The following GRID1 variants were observed in gnomAD, a reference collection of about 807,000 sequenced individuals.
The protein encoded by GRID1 is glutamate receptor ionotropic, delta-1.
Under a neutral mutation model 98.0 loss-of-function variants are expected in GRID1, and 28 were observed. The ratio of observed to expected loss-of-function variants is 0.29; its 90% CI spans 0.21 to 0.39. The LOEUF (loss-of-function observed/expected upper bound fraction) is 0.39, where lower values mean the gene tolerates loss of function less well. Ranked by LOEUF, GRID1 falls within the 10% of genes least tolerant of loss-of-function variation. GRID1 has a pLI of 1.00. For synonymous variants in GRID1, 553 were observed against 538.5 expected (o/e 1.03, Z -0.37); for missense variants, 1,111 against 1,340.5 (o/e 0.83, Z 2.67).
At chr10:85,666,823 T>C (rs1841024357) in intron 12 of GRID1, among the ~76,000 whole-genome samples, 1 of 152,118 alleles carries the variant, frequency 6.6e-6, no homozygotes, top group South Asian at 2.1e-4. Context: ...TCCTCCCCCA[T>C]ACAGCTCACA....
At chr10:86,262,608 A>G (rs927524258) in intron 2 of GRID1, among the ~76,000 whole-genome samples, 4 of 152,174 alleles carry the variant, frequency 2.6e-5, no homozygotes, top group African/African-American at 9.7e-5. Flanking sequence ...GCTCTGGACC[A>G]CAGCCCTGTT....
At chr10:86,186,583 G>C (rs1845728433) in intron 3 of GRID1, among the ~76,000 whole-genome samples, 1 of 152,146 alleles carries the variant, frequency 6.6e-6, no homozygotes, top group Non-Finnish European at 1.5e-5. Flanking sequence ...TTTCTTGATG[G>C]GTGACCTTAA....
chr10:85,834,781 A>AAG (rs1304689230), intron 8 of GRID1, among the ~76,000 whole-genome samples: 5 of 152,212 alleles, frequency 3.3e-5, no homozygotes, highest in African/African-American at 1.2e-4. Flanking sequence ...GATATACACT[A>AAG]AGAGAAACAG....
chr10:85,728,903 C>T (rs1323479754), intron 9 of GRID1, among the ~76,000 whole-genome samples: 1 of 152,126 alleles, frequency 6.6e-6, no homozygotes, highest in African/African-American at 2.4e-5. Flanking sequence ...CGTTTGGGCA[C>T]GTGTGACTCA....
At position 85,955,567 on chromosome 10, in the gene GRID1, T is replaced by C. The variant is rs1663250325; in HGVS notation, c.727-39328A>G. Among the ~76,000 whole-genome samples, 2 of 152,154 alleles carry C rather than the reference T, an allele frequency of 1.3e-5. 1 individual carries two copies. The highest frequency in any genetic ancestry group is 1.3e-4 in the Admixed American group (2 of 15,280). ...TTAGGGGTACTATCCTATTCAAAGA[T>C]GTAGGGCATGTTGAAGGGAAAGTGC... On this transcript the variant is annotated intron_variant, in intron 4 of 15. Transcript: ENST00000327946.
intron 4 of GRID1, among the ~76,000 whole-genome samples, chr10:85,974,873 C>T (rs1842452164): frequency 6.6e-6 from 1 of 152,230 alleles, no homozygotes; most frequent in African/African-American, 2.4e-5. Context: ...CATCCTCCCA[C>T]CTTGGACTCC....
intron 12 of GRID1, among the ~76,000 whole-genome samples, chr10:85,711,673 T>A (rs1841583163): frequency 6.6e-6 from 1 of 151,906 alleles, no homozygotes; most frequent in African/African-American, 2.4e-5. Context: ...AATAAACACA[T>A]AATTTAGTAA....
chr10:85,696,664 A>T (rs951171089), intron 12 of GRID1, among the ~76,000 whole-genome samples: 1 of 151,784 alleles, frequency 6.6e-6, no homozygotes, highest in Non-Finnish European at 1.5e-5. Context: ...ATATATTCTA[A>T]TTTTTTCTTT....
At chr10:85,872,495 C>G (rs1334762246) in intron 5 of GRID1, among the ~76,000 whole-genome samples, 1 of 152,208 alleles carries the variant, frequency 6.6e-6, no homozygotes, top group East Asian at 1.9e-4. Flanking sequence ...CTCCCCACTA[C>G]ACCCCAAGCA....
At chr10:86,337,135 G>A (rs952002542) in intron 2 of GRID1, among the ~76,000 whole-genome samples, 1 of 151,794 alleles carries the variant, frequency 6.6e-6, no homozygotes, top group Non-Finnish European at 1.5e-5. Context: ...ACAGGCATAA[G>A]CCACGGTGCC....
At chr10:85,806,549 G>GA (rs575485360) in intron 8 of GRID1, among the ~76,000 whole-genome samples, 322 of 145,790 alleles carry the variant, frequency 2.2e-3, no homozygotes, top group African/African-American at 7.7e-3. Flanking sequence ...CCCAAGTTTG[G>GA]AAAAAAAAAC....
chr10:86,137,445 G>A (rs1021856975), intron 4 of GRID1, among the ~76,000 whole-genome samples: 1 of 152,178 alleles, frequency 6.6e-6, no homozygotes, highest in African/African-American at 2.4e-5. Context: ...AGAAGGAAAG[G>A]AAGCAAGGGG....
At chr10:86,267,320 G>C (rs1289590242) in intron 2 of GRID1, among the ~76,000 whole-genome samples, 1 of 152,204 alleles carries the variant, frequency 6.6e-6, no homozygotes, top group African/African-American at 2.4e-5. Flanking sequence ...AGGCTCTGCT[G>C]TCTCTGATCC....
intron 13 of GRID1, among the ~76,000 whole-genome samples, chr10:85,626,044 C>A (rs571134318): frequency 6.6e-6 from 1 of 152,320 alleles, no homozygotes; most frequent in Non-Finnish European, 1.5e-5. Context: ...GCTGGTGCTG[C>A]AAACATCAGT....
At chr10:86,228,024 A>G (rs190082345) in intron 2 of GRID1, among the ~76,000 whole-genome samples, 1 of 151,970 alleles carries the variant, frequency 6.6e-6, no homozygotes, top group East Asian at 1.9e-4. Context: ...GGATAGTTGG[A>G]TGGATGGAAG....
chr10:85,710,780 A>T lies in GRID1; in HGVS notation c.1997+12223T>A, dbSNP rs147375843. Among the ~76,000 whole-genome samples, 287 of 152,194 alleles carry T rather than the reference A, an allele frequency of 1.9e-3. 2 individuals are homozygous for T. The highest frequency in any genetic ancestry group is 5.5e-3 in the African/African-American group (230 of 41,572). The stretch of plus-strand genomic sequence containing the variant: ...TAATAACAAAGAAAACCCATAAATG[A>T]TTCAATTAAAAATAGACAAAGAACT... On this transcript the variant is annotated intron_variant, in intron 12 of 15. Coordinates refer to ENST00000327946, the MANE Select transcript of GRID1 (RefSeq NM_017551.3).
rs566642387 is a variant in GRID1 at position 85,790,211 on chromosome 10, G to A, written c.1234-60597C>T. On this transcript the variant is annotated intron_variant, in intron 8 of 15. Coordinates refer to ENST00000327946, the MANE Select transcript of GRID1 (RefSeq NM_017551.3). ...CCCAGATGTGGGAGGACAAGGCTGT[G>A]TTTCCCTTCGTCCCCTGTCATTCCC... is the stretch of plus-strand genomic sequence containing the variant. Among the ~76,000 whole-genome samples the A allele has an allele frequency of 1.1e-4, 16 of 152,334 alleles. No homozygotes were observed. The South Asian group carries it at 2.9e-3, about 28-fold the overall frequency.
intron 4 of GRID1, among the ~76,000 whole-genome samples, chr10:86,063,942 C>A (rs1210367329): frequency 6.6e-6 from 1 of 152,120 alleles, no homozygotes; most frequent in Non-Finnish European, 1.5e-5. Context: ...ATGCTACAAA[C>A]CAACGCTATT....
intron 4 of GRID1, among the ~76,000 whole-genome samples, chr10:86,047,265 C>T (rs988734434): frequency 2.0e-5 from 3 of 152,204 alleles, no homozygotes; most frequent in African/African-American, 4.8e-5. Context: ...AGTCTGGCAA[C>T]AGGCAGAACT....
Sources: gnomAD v4.1 joint callset for allele counts (sites outside exome capture counted in the v4.1 genomes callset) on GRCh38, gnomAD v4.1.1 for gene constraint, MANE v1.5 for transcripts, NCBI Gene and HGNC (gene_info 2026-07-23, HGNC 2026-07-21) for gene names.